Variants in FANCC observed in about 807,000 individuals in gnomAD.
FANCC encodes the protein Fanconi anemia group C protein.
FANCC carries 55 observed loss-of-function variants against 71.3 expected under a neutral mutation model. The observed-to-expected ratio is 0.77, with a 90% CI of 0.62 to 0.97. The LOEUF is 0.97. Ranked by LOEUF, FANCC falls within the 50% of genes least tolerant of loss-of-function variation. The pLI is 0.00. For synonymous variants in FANCC, 275 were observed against 244.9 expected (o/e 1.12, Z -1.15); for missense variants, 678 against 670.9 (o/e 1.01, Z -0.12).
chr9:95,221,476 A>G (rs1012452570), intron 4 of FANCC, among the ~76,000 whole-genome samples: 2 of 152,180 alleles, frequency 1.3e-5, no homozygotes, highest in Non-Finnish European at 2.9e-5. Context: ...ATTATAATAG[A>G]AAAAAATGCA....
intron 4 of FANCC, among the ~76,000 whole-genome samples, chr9:95,191,518 C>T (rs575226085): frequency 5.3e-5 from 8 of 151,842 alleles, no homozygotes; most frequent in African/African-American, 1.9e-4. Flanking sequence ...AGGGTGACCA[C>T]ACCTTCCAAA....
intron 4 of FANCC, among the ~76,000 whole-genome samples, chr9:95,176,994 T>C (rs1372920049): frequency 2.0e-5 from 3 of 152,218 alleles, no homozygotes; most frequent in Non-Finnish European, 2.9e-5. Flanking sequence ...AGATGAGAGA[T>C]TGTAAATAAT....
chr9:95,309,550 C>G (rs1835260354), intron 1 of FANCC, among the ~76,000 whole-genome samples: 1 of 152,192 alleles, frequency 6.6e-6, no homozygotes, highest in Non-Finnish European at 1.5e-5. Flanking sequence ...CTAAATATAA[C>G]TGATTCCTTC....
intron 7 of FANCC, among the ~76,000 whole-genome samples, chr9:95,144,751 G>A (rs962622701): frequency 3.3e-5 from 5 of 152,164 alleles, no homozygotes; most frequent in Admixed American, 6.5e-5. Flanking sequence ...TTGAAAAATC[G>A]CCGTGGAGAG....
intron 6 of FANCC, among the ~76,000 whole-genome samples, chr9:95,155,049 A>G (rs894694866): frequency 6.7e-6 from 1 of 150,356 alleles, no homozygotes; most frequent in Non-Finnish European, 1.5e-5. Flanking sequence ...CTACAAAAAA[A>G]TACAAAAATT....
At chr9:95,216,746 C>A (rs1828887351) in intron 4 of FANCC, among the ~76,000 whole-genome samples, 1 of 152,140 alleles carries the variant, frequency 6.6e-6, no homozygotes, top group South Asian at 2.1e-4. Context: ...TTATCTAGGA[C>A]TCTCTGCATC....
intron 4 of FANCC, among the ~76,000 whole-genome samples, chr9:95,200,253 T>C (rs1004581496): frequency 6.6e-6 from 1 of 152,172 alleles, no homozygotes; most frequent in Admixed American, 6.5e-5. Flanking sequence ...TACCCACCAC[T>C]TACTGGCTAC....
chr9:95,154,970 T>C (rs1830374010), intron 6 of FANCC, among the ~76,000 whole-genome samples: 2 of 151,246 alleles, frequency 1.3e-5, no homozygotes, highest in Admixed American at 1.3e-4. Flanking sequence ...CTTTGGGAGG[T>C]TAAGGTGGGT....
chr9:95,142,082 T>G (rs111287146), intron 7 of FANCC, among the ~76,000 whole-genome samples: 3,165 of 131,192 alleles, frequency 0.024, 44 homozygotes, highest in Non-Finnish European at 0.035. Flanking sequence ...AACCTCTGCC[T>G]CCCGGGTTCA....
chr9:95,316,750 T>C (rs1365017010), intron 1 of FANCC: 1 of 152,210 alleles, frequency 6.6e-6, no homozygotes, highest in Admixed American at 6.5e-5. Flanking sequence ...TTCGGTGCGC[T>C]GGACACATAA....
chr9:95,110,504 G>A (rs2071832358), intron 13 of FANCC: 7 of 1,030,156 alleles, frequency 6.8e-6, no homozygotes, highest in African/African-American at 1.7e-5. Context: ...AAATACATAC[G>A]TGGGTTATAA....
chr9:95,263,706 G>C (rs765791929), intron 1 of FANCC, among the ~76,000 whole-genome samples: 2 of 152,024 alleles, frequency 1.3e-5, no homozygotes, highest in Non-Finnish European at 2.9e-5. Flanking sequence ...AATGCGAGTC[G>C]AAAAGGCAAA....
At chr9:95,186,636 A>C (rs983332186) in intron 4 of FANCC, 1 of 152,272 alleles carries the variant, frequency 6.6e-6, no homozygotes, top group African/African-American at 2.4e-5. Flanking sequence ...AAGAGTCAGT[A>C]TAATTCCACC....
chr9:95,255,502 C>T (rs961702815), intron 1 of FANCC, among the ~76,000 whole-genome samples: 3 of 152,170 alleles, frequency 2.0e-5, no homozygotes. Flanking sequence ...ATAGCATCAA[C>T]ATCAACAAAA....
At chr9:95,162,119 GGT>G (rs1222244780) in intron 6 of FANCC, among the ~76,000 whole-genome samples, 1 of 152,172 alleles carries the variant, frequency 6.6e-6, no homozygotes, top group Non-Finnish European at 1.5e-5. Flanking sequence ...TGGGATTACA[GGT>G]GTGAGCCACT....
intron 7 of FANCC, among the ~76,000 whole-genome samples, chr9:95,135,901 C>T (rs962034926): frequency 1.3e-5 from 2 of 152,176 alleles, no homozygotes; most frequent in African/African-American, 2.4e-5. Context: ...ACCTGGGTTT[C>T]GGTCCCAGCG....
chr9:95,108,493 G>A (rs1823329691), intron 13 of FANCC, among the ~76,000 whole-genome samples: 1 of 152,198 alleles, frequency 6.6e-6, no homozygotes, highest in African/African-American at 2.4e-5. Flanking sequence ...CCCTAAGATG[G>A]GGTCTATCTT....
At chr9:95,270,101 A>G (rs1832634370) in intron 1 of FANCC, among the ~76,000 whole-genome samples, 1 of 152,198 alleles carries the variant, frequency 6.6e-6, no homozygotes. Flanking sequence ...AATTTTTCTT[A>G]GTACATAACA....
At chr9:95,171,221 G>T in intron 5 of FANCC, 78 bp from the exon 6 acceptor site, 1 of 1,129,514 alleles carries the variant, frequency 8.9e-7, no homozygotes, top group Non-Finnish European at 1.3e-6. Flanking sequence ...TGGTGTGAGT[G>T]ATATTTCCGT....
Sources: allele counts gnomAD v4.1 joint callset (sites outside exome capture counted in the v4.1 genomes callset), GRCh38; gene constraint gnomAD v4.1.1; transcripts MANE v1.5; gene names NCBI Gene and HGNC (gene_info 2026-07-23, HGNC 2026-07-21).